Variants in KCNQ1 observed in about 807,000 individuals in gnomAD.
The protein encoded by KCNQ1 is potassium voltage-gated channel subfamily KQT member 1.
Under a neutral mutation model 72.4 loss-of-function variants are expected in KCNQ1, and 49 were observed. The ratio of observed to expected loss-of-function variants is 0.68; its 90% CI spans 0.54 to 0.86. The LOEUF (loss-of-function observed/expected upper bound fraction) is 0.86. Ranked by LOEUF, KCNQ1 falls within the 40% of genes least tolerant of loss-of-function variation. The pLI, the probability that KCNQ1 is intolerant of heterozygous loss-of-function variation, is 0.00. For synonymous variants in KCNQ1, 450 were observed against 412.6 expected (o/e 1.09, Z -1.10); for missense variants, 790 against 945.1 (o/e 0.84, Z 2.15).
chr11:2,619,047 C>G, intron 10 of KCNQ1: 1 of 398,392 alleles, frequency 2.5e-6, no homozygotes, highest in Non-Finnish European at 4.4e-6. Context: ...TTACTGAACT[C>G]ATTTATTAGT....
At chr11:2,636,821 T>C (rs1158050331) in intron 10 of KCNQ1, 2 of 152,212 alleles carry the variant, frequency 1.3e-5, no homozygotes, top group Admixed American at 6.5e-5. Context: ...GTCCTGGACT[T>C]TTTTTGGTTG....
At position 2,734,893 on chromosome 11, in the gene KCNQ1, C is replaced by T. The variant is rs531973358; in HGVS notation, c.1515-33951C>T. On this transcript the variant is annotated intron_variant, in intron 11 of 15. Coordinates refer to ENST00000155840, the MANE Select transcript of KCNQ1 (RefSeq NM_000218.3). This position sits in a 1 kb window ranked among gnomAD's most constrained non-coding sequence, Gnocchi z 7.0. ...CTTCCCAGGCCCCGGCTGGGACCAC[C>T]GCAGAGGTGATGTCTCCAGGAGGCT... 3.9e-5 allele frequency among the ~76,000 whole-genome samples: 6 copies of T among 152,110 alleles called. No individual in the cohort carries two copies. The East Asian group carries it at 5.8e-4, about 15-fold the overall frequency.
Position 2,665,425 on chromosome 11 carries a change from C to T in KCNQ1, c.1514+3344C>T, listed in dbSNP as rs113437527. The T allele has an allele frequency of 1.7e-4, 67 of 397,742 alleles. 1 individual carries two copies. Among genetic ancestry groups the T allele is most frequent in the African/African-American group, 1.2e-3 (56 of 48,330 alleles). The allele number at this position is 397,742 out of a possible 1,614,324, so 24.6% of individuals were successfully genotyped here. ...TGAGTTCCTGGGATTCTGACCCACTCACTATCCTCTGCTCACCAAGGGTCA... is the reference window on the plus strand; with the variant it reads ...TGAGTTCCTGGGATTCTGACCCACTTACTATCCTCTGCTCACCAAGGGTCA... On this transcript the variant is annotated intron_variant, in intron 11 of 15. Coordinates refer to ENST00000155840, the MANE Select transcript of KCNQ1 (RefSeq NM_000218.3).
intron 10 of KCNQ1, chr11:2,630,364 G>A (rs1849333440): frequency 2.5e-6 from 1 of 398,074 alleles, no homozygotes. Flanking sequence ...ATATCAGCCA[G>A]TTATTTTCTT....
chr11:2,525,227 C>G (rs1457195397), intron 1 of KCNQ1, among the ~76,000 whole-genome samples: 1 of 152,202 alleles, frequency 6.6e-6, no homozygotes. Flanking sequence ...GTGAGCCAGT[C>G]TGAGCCCATT....
chr11:2,634,837 A>G (rs531900783), intron 10 of KCNQ1: 337 of 152,278 alleles, frequency 2.2e-3, no homozygotes, highest in African/African-American at 7.6e-3. Context: ...CTTCTCCAGC[A>G]CCTGTTGTTT....
chr11:2,680,670 T>G, intron 11 of KCNQ1: 1 of 398,550 alleles, frequency 2.5e-6, no homozygotes, highest in Non-Finnish European at 4.4e-6. Context: ...ACAGGACATT[T>G]CTAACTCTTC....
Position 2,698,165 on chromosome 11 carries a change from G to A in KCNQ1, c.1514+36084G>A. On this transcript the variant is annotated intron_variant, in intron 11 of 15. Coordinates refer to ENST00000155840, the MANE Select transcript of KCNQ1 (RefSeq NM_000218.3). The surrounding 1 kb of genome is among the most constrained non-coding windows in gnomAD (Gnocchi z 5.1). ...AACAAAACAGAGTTCCTCGTTGGGA[G>A]CTTTTGGTCTAGCAAAAGGGGCACC... 2.5e-6 allele frequency: 1 copy of A among 398,624 alleles called. No individual in the cohort carries two copies. The highest frequency in any genetic ancestry group is 4.4e-6 in the Non-Finnish European group (1 of 226,076). The allele number at this position is 398,624 out of a possible 1,614,324, so 24.7% of individuals were successfully genotyped here. A position where few individuals can be genotyped will look rare whatever the true frequency, so the allele number is the denominator to read the frequency against.
intron 15 of KCNQ1, among the ~76,000 whole-genome samples, chr11:2,838,280 C>G (rs1405736057): frequency 4.6e-5 from 7 of 152,128 alleles, no homozygotes; most frequent in Non-Finnish European, 1.0e-4. Context: ...CCGTCAGGCA[C>G]CTGGAGGAGT....
chr11:2,540,562 G>A (rs574422757), intron 2 of KCNQ1, among the ~76,000 whole-genome samples: 1 of 152,342 alleles, frequency 6.6e-6, no homozygotes, highest in African/African-American at 2.4e-5. Context: ...TCAGTAGCTT[G>A]TGGGAGATGC....
At position 2,572,419 on chromosome 11, in the gene KCNQ1, C is replaced by T. The variant is rs77418884; in HGVS notation, c.780+310C>T. ...GAAAAACCCAGGCAAATCAAGGACC[C>T]GGTCAAGGCAGGGCCACCAGACTCC... On this transcript the variant is annotated intron_variant, in intron 5 of 15. Coordinates refer to ENST00000155840, the MANE Select transcript of KCNQ1 (RefSeq NM_000218.3). Among the ~76,000 whole-genome samples the T allele has an allele frequency of 7.8e-3, 1,189 of 152,296 alleles. 10 individuals carry two copies. Among genetic ancestry groups the T allele is most frequent in the African/African-American group, 0.026 (1,088 of 41,570 alleles).
At chr11:2,635,807 A>C (rs1442802215) in intron 10 of KCNQ1, 1 of 152,172 alleles carries the variant, frequency 6.6e-6, no homozygotes, top group African/African-American at 2.4e-5. Context: ...GATTCTCCCT[A>C]TCCATGAGCA....
chr11:2,846,157 C>T (rs1848323887), intron 15 of KCNQ1, among the ~76,000 whole-genome samples: 1 of 152,198 alleles, frequency 6.6e-6, no homozygotes, highest in South Asian at 2.1e-4. Context: ...ACCAGGCCCG[C>T]CCGGCGCAGC....
At position 2,813,488 on chromosome 11, in the gene KCNQ1, C is replaced by T. The variant is rs538958619; in HGVS notation, c.1795-34279C>T. Among the ~76,000 whole-genome samples, 1 of 152,108 alleles carries T rather than the reference C, an allele frequency of 6.6e-6. No individual in the cohort carries two copies. Among genetic ancestry groups the T allele is most frequent in the Non-Finnish European group, 1.5e-5 (1 of 68,030 alleles). On this transcript the variant is annotated intron_variant, in intron 15 of 15. Transcript: ENST00000155840. This position sits in a 1 kb window ranked among gnomAD's most constrained non-coding sequence, Gnocchi z 4.4. ...TGACTCTCCCCCTTCCTCAACCCTG[C>T]GCCTGGTCACCAAGTCCTGACAACA... is the stretch of plus-strand genomic sequence containing the variant.
chr11:2,536,514 C>T lies in KCNQ1; in HGVS notation c.477+8496C>T, dbSNP rs975394373. ...GACCTGGGGAGACATGCTGAGCCCTCCCAGCGAGACACTGAGGGTCGGGAG... is the reference window on the plus strand; with the variant it reads ...GACCTGGGGAGACATGCTGAGCCCTTCCAGCGAGACACTGAGGGTCGGGAG... On this transcript the variant is annotated intron_variant, in intron 2 of 15. Coordinates refer to ENST00000155840, the MANE Select transcript of KCNQ1 (RefSeq NM_000218.3). This position sits in a 1 kb window ranked among gnomAD's most constrained non-coding sequence, Gnocchi z 7.4. Among the ~76,000 whole-genome samples the T allele has an allele frequency of 2.6e-5, 4 of 152,130 alleles. No individual in the cohort carries two copies. The highest frequency in any genetic ancestry group is 9.7e-5 in the African/African-American group (4 of 41,442).
intron 1 of KCNQ1, among the ~76,000 whole-genome samples, chr11:2,449,373 G>C (rs575291509): frequency 6.6e-6 from 1 of 152,208 alleles, no homozygotes; most frequent in East Asian, 1.9e-4. Flanking sequence ...TGCGGGCTGC[G>C]TTGTGTCACA....
chr11:2,684,431 C>A (rs970501673), intron 11 of KCNQ1: 33 of 398,554 alleles, frequency 8.3e-5, no homozygotes, highest in African/African-American at 6.0e-4. Context: ...CCACCTCTTT[C>A]ATTTGAAAAC....
At chr11:2,581,551 C>T (rs1848498437) in intron 6 of KCNQ1, among the ~76,000 whole-genome samples, 1 of 152,258 alleles carries the variant, frequency 6.6e-6, no homozygotes, top group Non-Finnish European at 1.5e-5. Flanking sequence ...GGCCTGGCTT[C>T]ACCCTGCAGG....
At position 2,682,977 on chromosome 11, in the gene KCNQ1, A is replaced by G. The variant is rs1396026732; in HGVS notation, c.1514+20896A>G. On this transcript the variant is annotated intron_variant, in intron 11 of 15. Transcript: ENST00000155840. This position sits in a 1 kb window ranked among gnomAD's most constrained non-coding sequence, Gnocchi z 5.8. ...AGTCCTTCTGCCACCCAGACTGTGCATTCAGACATCTCCCTTGTGCTGTGC... is the reference window on the plus strand; with the variant it reads ...AGTCCTTCTGCCACCCAGACTGTGCGTTCAGACATCTCCCTTGTGCTGTGC... 2.5e-6 allele frequency: 1 copy of G among 398,532 alleles called. No individual in the cohort carries two copies. Among genetic ancestry groups the G allele is most frequent in the African/African-American group, 2.1e-5 (1 of 48,634 alleles). 24.7% of individuals were successfully genotyped at this position (398,532 alleles called of 1,614,324 possible). A position where few individuals can be genotyped will look rare whatever the true frequency, so the allele number is the denominator to read the frequency against.
Sources: allele counts gnomAD v4.1 joint callset (sites outside exome capture counted in the v4.1 genomes callset), GRCh38; gene constraint gnomAD v4.1.1; non-coding constraint Gnocchi (gnomAD v3.1); transcripts MANE v1.5; gene names NCBI Gene and HGNC (gene_info 2026-07-23, HGNC 2026-07-21).